Variants in RGPD3 observed in about 807,000 individuals in gnomAD.
The protein encoded by RGPD3 is RANBP2 like and GRIP domain containing 3.
Under a neutral mutation model 154.5 loss-of-function variants are expected in RGPD3, and 62 were observed. That is an observed-to-expected ratio of 0.40 (90% CI 0.33 to 0.50). The LOEUF (loss-of-function observed/expected upper bound fraction) is 0.50, where lower values mean the gene tolerates loss of function less well. Among genes scored for constraint, RGPD3 ranks in the 20% least tolerant of loss-of-function variants. The probability of loss-of-function intolerance (pLI) is 0.59; values close to 1 mark genes in which losing one functional copy is unlikely to be tolerated. For missense variants in RGPD3, 919 were observed against 1,716.8 expected, an observed-to-expected ratio of 0.54 and a Z score of 8.21; for synonymous variants, 308 against 607.0, an observed-to-expected ratio of 0.51 and a Z score of 7.24.
intron 9 of RGPD3, among the ~76,000 whole-genome samples, chr2:106,438,367 G>A (rs1014582335): frequency 2.6e-5 from 4 of 150,994 alleles, no homozygotes; most frequent in African/African-American, 9.7e-5. Flanking sequence ...ATGTGCCTAT[G>A]GTACCAGCTA....
At chr2:106,427,104 C>CT (rs1677223418) in intron 18 of RGPD3, among the ~76,000 whole-genome samples, 1 of 150,488 alleles carries the variant, frequency 6.6e-6, no homozygotes, top group South Asian at 2.1e-4. Flanking sequence ...TAAGTAGGGA[C>CT]TTTAATTGAC....
rs1678250020 is a variant in RGPD3 at position 106,457,078 on chromosome 2, T to C, written c.298A>G (p.Ile100Val). ...TCATTTTTACAAAGCAATTCTGCAA[T>C]CTTCAACACAAGATCTTTTTGTGTT... ...NPTQKDLVLK[I>V]AELLCKNDVT... is the part of the protein sequence containing the mutation. Residue 100 changes from isoleucine to valine, a missense_variant, in exon 4 of 23, where the codon ATT (isoleucine) becomes GTT (valine). By Grantham distance (29) the Ile-to-Val change is conservative. Coordinates refer to ENST00000409886, the MANE Select transcript of RGPD3 (RefSeq NM_001144013.2). 4 of 1,611,626 alleles carry C rather than the reference T, an allele frequency of 2.5e-6. No homozygotes were observed. The highest frequency in any genetic ancestry group is 4.5e-4 in the Middle Eastern group (2 of 4,424).
At chr2:106,405,534 GCC>G (rs1676489621) in intron 22 of RGPD3, among the ~76,000 whole-genome samples, 1 of 151,618 alleles carries the variant, frequency 6.6e-6, no homozygotes, top group Non-Finnish European at 1.5e-5. Context: ...GTGCCACCAT[GCC>G]TGGGTAATTT....
Position 106,407,268 on chromosome 2 carries a change from A to G in RGPD3, c.5267-2039T>C, listed in dbSNP as rs1205969201. ...GTCCGCTAGCAAGATAGAAGCCACA[A>G]TCTCTTGTAATCTATCATTTTTGCT... On this transcript the variant is annotated intron_variant, in intron 22 of 22. Transcript: ENST00000409886. Among the ~76,000 whole-genome samples, 10 of 152,190 alleles carry G rather than the reference A, an allele frequency of 6.6e-5. No homozygotes were observed. In the South Asian group the frequency reaches 1.2e-3, roughly 19 times the overall value.
At chr2:106,414,831 A>G (rs376167477) in intron 21 of RGPD3, among the ~76,000 whole-genome samples, 15 of 151,574 alleles carry the variant, frequency 9.9e-5, no homozygotes, top group East Asian at 5.9e-4. Flanking sequence ...AAGGATAGCT[A>G]GTGGCCTTGC....
chr2:106,451,278 T>C (rs1410605664), intron 6 of RGPD3, among the ~76,000 whole-genome samples: 1 of 151,986 alleles, frequency 6.6e-6, no homozygotes, highest in African/African-American at 2.4e-5. Flanking sequence ...TTCTTTTAGA[T>C]ACTGCTCTTA....
chr2:106,450,390 C>T (rs1678075621), intron 6 of RGPD3, among the ~76,000 whole-genome samples: 1 of 145,562 alleles, frequency 6.9e-6, no homozygotes, highest in South Asian at 2.3e-4. Flanking sequence ...AGCCCTAAGC[C>T]ACACTGTGAA....
intron 2 of RGPD3, among the ~76,000 whole-genome samples, chr2:106,458,356 T>C (rs1417562043): frequency 1.3e-5 from 2 of 151,008 alleles, no homozygotes; most frequent in East Asian, 4.2e-4. Flanking sequence ...ACAGTGCTGC[T>C]AGTTACATAA....
At chr2:106,450,165 G>A (rs1325431320) in intron 6 of RGPD3, among the ~76,000 whole-genome samples, 4 of 134,994 alleles carry the variant, frequency 3.0e-5, no homozygotes, top group Admixed American at 7.7e-5. Flanking sequence ...AGATCACGAG[G>A]TCAGGAGATC....
chr2:106,466,192 G>A (rs1308915526), intron 1 of RGPD3, among the ~76,000 whole-genome samples: 2 of 152,144 alleles, frequency 1.3e-5, no homozygotes, highest in African/African-American at 2.4e-5. Context: ...GGGAGAAAGA[G>A]GAAGCGCCGG....
intron 9 of RGPD3, among the ~76,000 whole-genome samples, chr2:106,438,197 G>A (rs1187183789): frequency 6.6e-6 from 1 of 152,030 alleles, no homozygotes; most frequent in Non-Finnish European, 1.5e-5. Context: ...CAAAGTGCTG[G>A]GATTACAGAT....
At chr2:106,409,286 C>T (rs1462007300) in intron 22 of RGPD3, among the ~76,000 whole-genome samples, 3 of 152,068 alleles carry the variant, frequency 2.0e-5, no homozygotes, top group Non-Finnish European at 4.4e-5. Flanking sequence ...CTAGTGTGAC[C>T]AGTCAGACTG....
intron 20 of RGPD3, among the ~76,000 whole-genome samples, chr2:106,420,491 T>C (rs1407555516): frequency 6.6e-6 from 1 of 152,110 alleles, no homozygotes; most frequent in Non-Finnish European, 1.5e-5. Flanking sequence ...CTGAGAGCTA[T>C]GGTGTCCAAT....
intron 6 of RGPD3, among the ~76,000 whole-genome samples, chr2:106,449,713 C>G (rs1386315636): frequency 5.9e-5 from 9 of 151,540 alleles, no homozygotes; most frequent in Non-Finnish European, 1.0e-4. Context: ...GTAGACAGAT[C>G]AAGAGGTCAA....
chr2:106,415,741 C>T (rs1371022559), intron 21 of RGPD3, 109 bp downstream of exon 21: 14 of 1,261,210 alleles, frequency 1.1e-5, no homozygotes, highest in South Asian at 3.9e-5. Flanking sequence ...AAGATCAAGA[C>T]GTTATAGATG....
intron 22 of RGPD3, among the ~76,000 whole-genome samples, chr2:106,411,042 T>C (rs2104442874): frequency 6.6e-6 from 1 of 150,510 alleles, no homozygotes; most frequent in East Asian, 2.0e-4. Flanking sequence ...ATCAGGCCTC[T>C]AGACCAGGGG....
chr2:106,424,909 C>T lies in RGPD3; in HGVS notation c.3058G>A (p.Asp1020Asn), dbSNP rs1475037433. 6.2e-6 allele frequency: 10 copies of T among 1,611,808 alleles called. No homozygotes were observed. The highest frequency in any genetic ancestry group is 7.6e-6 in the Non-Finnish European group (9 of 1,179,820). ...KMANKANTSG[D>N]FEKDDDAYKT... ...TAGGCATCATCATCTTTCTCAAAGT[C>T]ACCGGAAGTGTTTGCTTTATTGGCC... Residue 1020 changes from aspartate to asparagine, a missense_variant, in exon 20 of 23, where the codon GAC becomes AAC. Asp to Asn is a conservative substitution (Grantham distance 23). Transcript: ENST00000409886.
At chr2:106,463,051 T>C (rs1322113647) in intron 1 of RGPD3, among the ~76,000 whole-genome samples, 1 of 149,416 alleles carries the variant, frequency 6.7e-6, no homozygotes, top group African/African-American at 2.5e-5. Flanking sequence ...ATACAAGAAA[T>C]GCTACAGAAC....
At chr2:106,465,939 C>T (rs985247653) in intron 1 of RGPD3, among the ~76,000 whole-genome samples, 1 of 151,944 alleles carries the variant, frequency 6.6e-6, no homozygotes, top group Non-Finnish European at 1.5e-5. Context: ...TCACTCGACG[C>T]AGCCGCCAAA....
Sources: allele counts gnomAD v4.1 joint callset (sites outside exome capture counted in the v4.1 genomes callset), GRCh38; gene constraint gnomAD v4.1.1; transcripts MANE v1.5; gene names NCBI Gene and HGNC (gene_info 2026-07-23, HGNC 2026-07-21).